TNS3: variants seen among roughly 807,000 people sequenced by gnomAD.
The protein encoded by TNS3 is tensin 3.
Under a neutral mutation model 140.9 loss-of-function variants are expected in TNS3, and 45 were observed. The ratio of observed to expected loss-of-function variants is 0.32; its 90% confidence interval spans 0.25 to 0.41. The LOEUF is 0.41. Ranked by LOEUF, TNS3 falls within the 10% of genes least tolerant of loss-of-function variation. The probability of loss-of-function intolerance (pLI) is 1.00; values close to 1 mark genes in which losing one functional copy is unlikely to be tolerated. For missense variants in TNS3, 1,716 were observed against 1,906.7 expected (o/e 0.90, Z 1.86); for synonymous variants, 815 against 788.4 (o/e 1.03, Z -0.56).
intron 1 of TNS3, among the ~76,000 whole-genome samples, chr7:47,553,252 T>C (rs1349541003): frequency 1.3e-5 from 2 of 152,214 alleles, no homozygotes; most frequent in African/African-American, 4.8e-5. Context: ...CTAAGACCAT[T>C]GATGAAGGTG....
intron 1 of TNS3, among the ~76,000 whole-genome samples, chr7:47,578,539 A>G (rs1274572534): frequency 7.3e-6 from 1 of 137,374 alleles, no homozygotes; most frequent in Non-Finnish European, 1.6e-5. Context: ...GAGCTGCGCC[A>G]GGTGCATGGG....
chr7:47,466,290 T>C (rs1163827914), intron 4 of TNS3, among the ~76,000 whole-genome samples: 1 of 151,852 alleles, frequency 6.6e-6, no homozygotes. Context: ...GTAGCTGGGA[T>C]TACAGACGTG....
chr7:47,513,649 C>G (rs1798681803), intron 2 of TNS3, among the ~76,000 whole-genome samples: 1 of 152,194 alleles, frequency 6.6e-6, no homozygotes, highest in Non-Finnish European at 1.5e-5. Context: ...CATCAACTTG[C>G]AAAAACTGAA....
chr7:47,578,102 C>T (rs1435645538), intron 1 of TNS3, among the ~76,000 whole-genome samples: 1 of 151,630 alleles, frequency 6.6e-6, no homozygotes, highest in Non-Finnish European at 1.5e-5. Context: ...CACCTGAGGT[C>T]AGGAGTTCGA....
intron 3 of TNS3, among the ~76,000 whole-genome samples, chr7:47,482,197 G>A (rs925951924): frequency 2.0e-5 from 3 of 152,246 alleles, no homozygotes; most frequent in Non-Finnish European, 4.4e-5. Context: ...AAGGAGAATC[G>A]TAGAGAATCT....
rs1793115493 is a variant in TNS3, at chr7:47,400,796, T to C, written c.842A>G (p.Asn281Ser). The change falls in exon 14 of 31, where the codon AAT becomes AGT. Residue 281 changes from asparagine to serine, a missense_variant. Asn to Ser is a conservative substitution (Grantham distance 46, BLOSUM62 1). Around this residue, in one of 3 missense-constraint regions of TNS3, gnomAD observed 337 missense variants for 428.9 expected, o/e 0.79. Transcript: ENST00000311160. The part of the protein sequence containing the change: ...GLVFGKEDLD[N>S]ASKDDRFPDY... Reference sequence around the variant, plus strand: ...GCTCCGCGCCTCACCTTTGCTGGCATTGTCCAGATCCTCCTTCCCAAACAC... The same window carrying C: ...GCTCCGCGCCTCACCTTTGCTGGCACTGTCCAGATCCTCCTTCCCAAACAC... 2 of 1,613,996 alleles carry C rather than the reference T, an allele frequency of 1.2e-6. No homozygotes were observed. The highest frequency in any genetic ancestry group is 1.3e-5 in the African/African-American group (1 of 74,920).
rs566963333 is a variant in TNS3 at position 47,283,986 on chromosome 7, A to G, written c.3929-121T>C. ...TATGAACAACTTGCGCATGTGGCCT[A>G]TGCTGGGTGCATGTAAGGCAGATGG... On this transcript the variant is annotated intron_variant, in intron 27 of 30. Coordinates refer to ENST00000311160, the MANE Select transcript of TNS3 (RefSeq NM_022748.12). 6.6e-6 allele frequency: 6 copies of G among 902,332 alleles called. No individual in the cohort carries two copies. In the East Asian group the frequency reaches 1.4e-4, roughly 21 times the overall value. The allele number at this position is 902,332 out of a possible 1,614,324, so 55.9% of individuals were successfully genotyped here. A position where few individuals can be genotyped will look rare whatever the true frequency, so the allele number is the denominator to read the frequency against.
At chr7:47,392,243 C>T (rs1708384278) in intron 16 of TNS3, among the ~76,000 whole-genome samples, 1 of 152,198 alleles carries the variant, frequency 6.6e-6, no homozygotes, top group Non-Finnish European at 1.5e-5. Context: ...GGACCATGTG[C>T]TCCTCTCTGT....
intron 4 of TNS3, among the ~76,000 whole-genome samples, chr7:47,452,594 T>C (rs1368263707): frequency 6.6e-6 from 1 of 152,172 alleles, no homozygotes; most frequent in Non-Finnish European, 1.5e-5. Context: ...TGGAACCATA[T>C]GGAAGGAGGC....
chr7:47,524,362 T>C (rs1382560260), intron 2 of TNS3, among the ~76,000 whole-genome samples: 1 of 152,186 alleles, frequency 6.6e-6, no homozygotes, highest in Non-Finnish European at 1.5e-5. Flanking sequence ...TGACCCCACA[T>C]CCTGATCTCT....
chr7:47,423,488 C>T (rs1445942158), intron 10 of TNS3, among the ~76,000 whole-genome samples: 4 of 152,228 alleles, frequency 2.6e-5, no homozygotes, highest in African/African-American at 9.6e-5. Flanking sequence ...TGAGCTCATT[C>T]CAGGGGCCAC....
At chr7:47,538,233 G>A (rs1385923287) in intron 1 of TNS3, among the ~76,000 whole-genome samples, 2 of 152,056 alleles carry the variant, frequency 1.3e-5, no homozygotes, top group African/African-American at 2.4e-5. Context: ...CAGCCTTCCC[G>A]GGGCAGTGGA....
chr7:47,542,831 G>A (rs1799825375), intron 1 of TNS3, among the ~76,000 whole-genome samples: 1 of 151,476 alleles, frequency 6.6e-6, no homozygotes, highest in Non-Finnish European at 1.5e-5. Flanking sequence ...TTGGGAGGCT[G>A]AGGCAGGAGA....
chr7:47,497,471 T>A (rs1318295768), intron 3 of TNS3, among the ~76,000 whole-genome samples: 1 of 152,098 alleles, frequency 6.6e-6, no homozygotes, highest in African/African-American at 2.4e-5. Context: ...CAAGGTCACA[T>A]GGGTAAGACA....
intron 1 of TNS3, among the ~76,000 whole-genome samples, chr7:47,561,026 G>T (rs1354892936): frequency 2.0e-5 from 3 of 152,212 alleles, no homozygotes; most frequent in African/African-American, 7.2e-5. Context: ...AACACCAGAA[G>T]TAAACTGAGG....
At chr7:47,569,469 G>A (rs1174733778) in intron 1 of TNS3, among the ~76,000 whole-genome samples, 16 of 152,148 alleles carry the variant, frequency 1.1e-4, no homozygotes, top group Admixed American at 9.8e-4. Context: ...GCTCGAACCA[G>A]GGAGGTGGAG....
At chr7:47,576,563 G>A (rs1200301354) in intron 1 of TNS3, among the ~76,000 whole-genome samples, 1 of 152,216 alleles carries the variant, frequency 6.6e-6, no homozygotes, top group Non-Finnish European at 1.5e-5. Context: ...TAAGAAAGGT[G>A]ATGGATTACA....
intron 15 of TNS3, among the ~76,000 whole-genome samples, chr7:47,399,771 T>C (rs753060323): frequency 6.6e-6 from 1 of 152,204 alleles, no homozygotes; most frequent in African/African-American, 2.4e-5. Flanking sequence ...CCTAGGCAAA[T>C]AATCCATGAC....
chr7:47,344,721 C>T, intron 20 of TNS3, 34 bp downstream of exon 20: 1 of 1,593,136 alleles, frequency 6.3e-7, no homozygotes, highest in Non-Finnish European at 8.6e-7. Flanking sequence ...CGCCTGAGTG[C>T]CGCGCGCCTG....
Sources: allele counts gnomAD v4.1 joint callset (sites outside exome capture counted in the v4.1 genomes callset), GRCh38; gene constraint gnomAD v4.1.1; regional missense constraint gnomAD v4.1.1; transcripts MANE v1.5; gene names NCBI Gene and HGNC (gene_info 2026-07-23, HGNC 2026-07-21).